The following BLTP1 variants were observed in gnomAD, a reference collection of about 807,000 sequenced individuals.
BLTP1 encodes the protein fragile site-associated protein.
At chr4:122,247,717 A>G in the BLTP1 span, 1 of 1,032,052 alleles carries the variant, frequency 9.7e-7, no homozygotes, top group Admixed American at 5.0e-5. Flanking sequence ...TCTGTTTGTA[A>G]AACAGTGTTA....
At chr4:122,165,077 T>A in the BLTP1 span, among the ~76,000 whole-genome samples, 10 of 148,536 alleles carry the variant, frequency 6.7e-5, no homozygotes, top group African/African-American at 2.5e-4. Flanking sequence ...TGTTGTCACA[T>A]TTTTTTTTTA....
At chr4:122,303,515 A>G in the BLTP1 span, among the ~76,000 whole-genome samples, 1 of 152,220 alleles carries the variant, frequency 6.6e-6, no homozygotes, top group Non-Finnish European at 1.5e-5. Flanking sequence ...CAGTTTTCAT[A>G]GATAGTGATT....
chr4:122,350,533 C>T, the BLTP1 span: 2 of 237,246 alleles, frequency 8.4e-6, no homozygotes, highest in African/African-American at 4.6e-5. Flanking sequence ...CCTCATGAAG[C>T]TCAGATTCTA....
At chr4:122,324,852 A>C in the BLTP1 span, among the ~76,000 whole-genome samples, 7 of 151,624 alleles carry the variant, frequency 4.6e-5, no homozygotes, top group South Asian at 1.4e-3. Flanking sequence ...AGATTATCCA[A>C]AGAAATTAAA....
the BLTP1 span, among the ~76,000 whole-genome samples, chr4:122,258,155 GATTA>G: frequency 6.6e-6 from 1 of 152,066 alleles, no homozygotes; most frequent in African/African-American, 2.4e-5. Flanking sequence ...CTTTGCCAAA[GATTA>G]ATTTTTATTA....
the BLTP1 span, chr4:122,188,322 T>C: frequency 2.1e-6 from 1 of 477,912 alleles, no homozygotes; most frequent in Non-Finnish European, 2.7e-6. Context: ...AATTTTTTTA[T>C]CCTTTTCTCC....
chr4:122,297,350 T>C, the BLTP1 span, among the ~76,000 whole-genome samples: 2 of 152,124 alleles, frequency 1.3e-5, no homozygotes, highest in Non-Finnish European at 2.9e-5. Context: ...AAAACCACAA[T>C]TAGATACTAT....
chr4:122,259,432 C>T, the BLTP1 span, among the ~76,000 whole-genome samples: 1 of 152,106 alleles, frequency 6.6e-6, no homozygotes, highest in Non-Finnish European at 1.5e-5. Context: ...TGAGTTAATT[C>T]ATGAAAAATG....
the BLTP1 span, chr4:122,215,265 G>A: frequency 1.3e-6 from 1 of 767,962 alleles, no homozygotes; most frequent in Non-Finnish European, 1.6e-6. Context: ...TTGAACATTA[G>A]ACCCAAGGGT....
chr4:122,317,064 G>A, the BLTP1 span, among the ~76,000 whole-genome samples: 1 of 152,154 alleles, frequency 6.6e-6, no homozygotes, highest in African/African-American at 2.4e-5. Flanking sequence ...GGGCATGGTG[G>A]CTGATGCCTG....
chr4:122,171,535 A>T, the BLTP1 span, among the ~76,000 whole-genome samples: 2 of 152,118 alleles, frequency 1.3e-5, no homozygotes, highest in Admixed American at 6.5e-5. Context: ...GTCTCACTTA[A>T]TGCTCAGAGT....
chr4:122,196,742 T>C, the BLTP1 span: 1 of 1,609,786 alleles, frequency 6.2e-7, no homozygotes, highest in Non-Finnish European at 8.5e-7. Context: ...GAATTACGAA[T>C]GAATATTATT....
At chr4:122,190,621 A>G in the BLTP1 span, 2 of 471,656 alleles carry the variant, frequency 4.2e-6, no homozygotes, top group Non-Finnish European at 5.5e-6. Flanking sequence ...CAGTTTTCAT[A>G]GATAAACCTC....
At chr4:122,294,949 CAGG>C in the BLTP1 span, among the ~76,000 whole-genome samples, 869 of 152,250 alleles carry the variant, frequency 5.7e-3, 4 homozygotes, top group Non-Finnish European at 8.6e-3. Context: ...AAAAACACAG[CAGG>C]AGAACTTCAC....
the BLTP1 span, chr4:122,243,888 G>A: frequency 6.2e-7 from 1 of 1,602,944 alleles, no homozygotes. Context: ...AAAACTCGCT[G>A]ATAACACAGA....
the BLTP1 span, among the ~76,000 whole-genome samples, chr4:122,232,716 A>G: frequency 6.6e-6 from 1 of 152,236 alleles, no homozygotes; most frequent in Admixed American, 6.5e-5. Context: ...CTATTTTTAT[A>G]GTAAGTGGAA....
chr4:122,346,625 G>A, the BLTP1 span: 1 of 1,611,000 alleles, frequency 6.2e-7, no homozygotes, highest in Admixed American at 1.7e-5. Flanking sequence ...TGTATCAGCT[G>A]TTTGTGATAT....
chr4:122,202,527 C>CTGT, the BLTP1 span: 1 of 964,032 alleles, frequency 1.0e-6, no homozygotes, highest in East Asian at 1.1e-4. Flanking sequence ...GCTCAAGAAT[C>CTGT]TGTTACATTA....
At chr4:122,249,552 G>A in the BLTP1 span, 9 of 1,613,630 alleles carry the variant, frequency 5.6e-6, no homozygotes, top group African/African-American at 1.1e-4. Context: ...CTCTTGAAGA[G>A]TTGGATGAAT....
Sources: gnomAD v4.1 joint callset for allele counts (sites outside exome capture counted in the v4.1 genomes callset) on GRCh38, gnomAD v4.1.1 for gene constraint, MANE v1.5 for transcripts, NCBI Gene and HGNC (gene_info 2026-07-23, HGNC 2026-07-21) for gene names.